The following FOXO3 variants were observed in gnomAD, a reference collection of about 807,000 sequenced individuals.
The protein encoded by FOXO3 is forkhead box O3, also known as forkhead box protein O3.
In FOXO3, 4 loss-of-function variants were observed where a neutral mutation model predicts 41.9. That is an observed-to-expected ratio of 0.10 (90% CI 0.05 to 0.22). The LOEUF (loss-of-function observed/expected upper bound fraction) is 0.22. Ranked by LOEUF, FOXO3 falls within the 10% of genes least tolerant of loss-of-function variation. FOXO3 has a pLI of 1.00. For synonymous variants in FOXO3, 318 were observed against 389.3 expected (o/e 0.82, Z 2.16); for missense variants, 534 against 906.8 (o/e 0.59, Z 5.28).
intron 1 of FOXO3, among the ~76,000 whole-genome samples, chr6:108,577,553 G>A (rs1776294632): frequency 6.6e-6 from 1 of 152,124 alleles, no homozygotes; most frequent in Non-Finnish European, 1.5e-5. Context: ...GAATCACCTG[G>A]AGAGCTTTCA....
At chr6:108,591,112 G>A (rs1014468547) in intron 1 of FOXO3, among the ~76,000 whole-genome samples, 4 of 152,234 alleles carry the variant, frequency 2.6e-5, no homozygotes, top group Non-Finnish European at 5.9e-5. Context: ...GGGCTCAGGA[G>A]TGTTACAGCA....
chr6:108,657,465 T>TTA, intron 1 of FOXO3, among the ~76,000 whole-genome samples: 1 of 152,336 alleles, frequency 6.6e-6, no homozygotes, highest in African/African-American at 2.4e-5. Flanking sequence ...ATTACGTACC[T>TTA]TACTATCTTA....
intron 1 of FOXO3, among the ~76,000 whole-genome samples, chr6:108,602,016 C>G (rs1777068058): frequency 6.6e-6 from 1 of 152,144 alleles, no homozygotes; most frequent in African/African-American, 2.4e-5. Context: ...TGCCCAATGA[C>G]TTCATTTTAA....
At chr6:108,608,857 C>G (rs1582773433) in intron 1 of FOXO3, among the ~76,000 whole-genome samples, 1 of 152,164 alleles carries the variant, frequency 6.6e-6, no homozygotes, top group East Asian at 1.9e-4. Flanking sequence ...CCCTCCCCTC[C>G]CAGAGTCCAG....
chr6:108,579,427 CAG>C (rs1365454770), intron 1 of FOXO3, among the ~76,000 whole-genome samples: 1 of 152,172 alleles, frequency 6.6e-6, no homozygotes. Flanking sequence ...TGTCTGGGGT[CAG>C]AGTTTGGAGG....
intron 1 of FOXO3, among the ~76,000 whole-genome samples, chr6:108,608,247 A>G (rs1215332589): frequency 6.6e-6 from 1 of 152,200 alleles, no homozygotes; most frequent in African/African-American, 2.4e-5. Context: ...CTTGAGTGAG[A>G]TCTCTAGTTC....
chr6:108,590,222 C>CA (rs537171320), intron 1 of FOXO3, among the ~76,000 whole-genome samples: 19 of 151,700 alleles, frequency 1.3e-4, no homozygotes, highest in Non-Finnish European at 2.4e-4. Context: ...CTCCTGGGCT[C>CA]AAAGGATCCT....
chr6:108,632,341 TCTGTATCTGAGAGACTGCCCACGAAGC>T (rs769736990), intron 1 of FOXO3, among the ~76,000 whole-genome samples: 34 of 152,168 alleles, frequency 2.2e-4, no homozygotes. Context: ...AGCCAGTTTC[TCTGTATCTGAGAGACTGCCCACGAAGC>T]CTGTGGCATT....
chr6:108,591,569 A>T (rs776374317), intron 1 of FOXO3, among the ~76,000 whole-genome samples: 10 of 152,222 alleles, frequency 6.6e-5, no homozygotes, highest in Non-Finnish European at 1.2e-4. Context: ...CTTTTCGGTC[A>T]GGCATTCAGG....
At chr6:108,570,071 C>T (rs930111069) in intron 1 of FOXO3, among the ~76,000 whole-genome samples, 4 of 133,220 alleles carry the variant, frequency 3.0e-5, no homozygotes, top group Non-Finnish European at 4.6e-5. Context: ...GTGATCTTGG[C>T]TCACTGCAAG....
At chr6:108,624,218 G>A (rs1179922431) in intron 1 of FOXO3, among the ~76,000 whole-genome samples, 2 of 151,970 alleles carry the variant, frequency 1.3e-5, no homozygotes, top group African/African-American at 4.8e-5. Context: ...TCCTGCATCT[G>A]AGCCAAAGGC....
intron 1 of FOXO3, among the ~76,000 whole-genome samples, chr6:108,608,074 G>A (rs1211275148): frequency 2.0e-5 from 3 of 152,182 alleles, no homozygotes; most frequent in East Asian, 1.9e-4. Context: ...TAATGGTAGA[G>A]TTGAAAGACA....
At chr6:108,672,360 A>G (rs1315745735) in intron 2 of FOXO3, among the ~76,000 whole-genome samples, 2 of 152,196 alleles carry the variant, frequency 1.3e-5, no homozygotes, top group African/African-American at 4.8e-5. Flanking sequence ...TCGAATTCTA[A>G]GTTGAGTGAA....
intron 1 of FOXO3, among the ~76,000 whole-genome samples, chr6:108,573,481 A>G (rs977249964): frequency 6.6e-5 from 10 of 152,098 alleles, no homozygotes; most frequent in African/African-American, 2.4e-4. Flanking sequence ...TGGGAGGTGA[A>G]CTTGGCTCCG....
intron 1 of FOXO3, among the ~76,000 whole-genome samples, chr6:108,584,080 C>T (rs753676553): frequency 6.6e-6 from 1 of 152,108 alleles, no homozygotes; most frequent in Non-Finnish European, 1.5e-5. Flanking sequence ...TAGGTCACAG[C>T]CATGGTTATT....
intron 2 of FOXO3, among the ~76,000 whole-genome samples, chr6:108,679,166 C>T (rs557052662): frequency 3.9e-5 from 6 of 152,128 alleles, no homozygotes; most frequent in Non-Finnish European, 7.4e-5. Flanking sequence ...CCACTGCGCC[C>T]GGCCCATTTC....
In FOXO3 at chr6:108,574,131, C is replaced by A. The variant is rs1398289761; in HGVS notation, c.621+12302C>A. On this transcript the variant is annotated intron_variant, in intron 1 of 2. Transcript: ENST00000406360. The stretch of plus-strand genomic sequence containing the variant: ...TCACGCCACTGCACTTCAGCCTGGG[C>A]GACAGAGCGAGACTCTGTCTCAAAA... Among the ~76,000 whole-genome samples the A allele has an allele frequency of 2.2e-5, 3 of 136,754 alleles. No individual in the cohort carries two copies. In the South Asian group the frequency reaches 6.7e-4, roughly 31 times the overall value. 89.7% of individuals were successfully genotyped at this position (136,754 alleles called of 152,430 possible).
intron 1 of FOXO3, among the ~76,000 whole-genome samples, chr6:108,592,343 AT>A (rs1212568724): frequency 3.3e-5 from 5 of 152,156 alleles, no homozygotes; most frequent in African/African-American, 1.2e-4. Flanking sequence ...TGTGGTTGGA[AT>A]TTTTTGTGTA....
rs570889902 is a variant in FOXO3 at position 108,588,286 on chromosome 6, T to G, written c.621+26457T>G. Among the ~76,000 whole-genome samples the G allele has an allele frequency of 7.9e-5, 12 of 152,332 alleles. No individual in the cohort carries two copies. The South Asian group carries it at 2.1e-3, about 26-fold the overall frequency. On this transcript the variant is annotated intron_variant, in intron 1 of 2. Coordinates refer to ENST00000406360, the MANE Select transcript of FOXO3 (RefSeq NM_001455.4). ...TCTCTGCATTTGGGCTTGTTCCTTT[T>G]GCTAGTTTTCTGATTGATTTGCATA... is the stretch of plus-strand genomic sequence containing the variant.
Sources: gnomAD v4.1 joint callset for allele counts (sites outside exome capture counted in the v4.1 genomes callset) on GRCh38, gnomAD v4.1.1 for gene constraint, MANE v1.5 for transcripts, NCBI Gene and HGNC (gene_info 2026-07-23, HGNC 2026-07-21) for gene names.